Variants in GPC6 observed in about 807,000 individuals in gnomAD.
The protein encoded by GPC6 is glypican 6.
In GPC6, 14 loss-of-function variants were observed where a neutral mutation model predicts 55.2. The ratio of observed to expected loss-of-function variants is 0.25; its 90% CI spans 0.17 to 0.40. GPC6 has a LOEUF of 0.40. Ranked by LOEUF, GPC6 falls within the 10% of genes least tolerant of loss-of-function variation. The pLI is 1.00. For synonymous variants in GPC6, 278 were observed against 259.6 expected (o/e 1.07, Z -0.68); for missense variants, 641 against 708.5 (o/e 0.90, Z 1.08).
chr13:93,497,945 C>T (rs1880369404), intron 1 of GPC6, among the ~76,000 whole-genome samples: 1 of 152,212 alleles, frequency 6.6e-6, no homozygotes, highest in Non-Finnish European at 1.5e-5. Context: ...CCTATTGTCT[C>T]AGATGTGTTG....
chr13:94,165,300 G>A (rs1221063540), intron 4 of GPC6, among the ~76,000 whole-genome samples: 1 of 147,408 alleles, frequency 6.8e-6, no homozygotes, highest in African/African-American at 2.5e-5. Context: ...ATACATAATG[G>A]AATACTATTC....
chr13:93,732,851 TTAAAC>T (rs1192820125), intron 2 of GPC6, among the ~76,000 whole-genome samples: 1 of 152,176 alleles, frequency 6.6e-6, no homozygotes, highest in Non-Finnish European at 1.5e-5. Flanking sequence ...ATATTTTCGA[TTAAAC>T]TAATCTATAT....
At chr13:94,007,868 C>T (rs76773568) in intron 3 of GPC6, among the ~76,000 whole-genome samples, 8 of 151,904 alleles carry the variant, frequency 5.3e-5, no homozygotes, top group Admixed American at 1.3e-4. Context: ...GTGAATCTAA[C>T]GTACATTTTT....
intron 2 of GPC6, among the ~76,000 whole-genome samples, chr13:93,761,951 A>G (rs1422281550): frequency 6.6e-6 from 1 of 152,128 alleles, no homozygotes. Context: ...CCAATAGAAC[A>G]CCAGAAGTCA....
rs751915070 is a variant in GPC6 at position 93,282,575 on chromosome 13, TAAG to T, written c.160+54965_160+54967del. Among the ~76,000 whole-genome samples, 310 of 152,062 alleles carry T rather than the reference TAAG, an allele frequency of 2.0e-3. 1 individual carries two copies. The highest frequency in any genetic ancestry group is 3.4e-3 in the Middle Eastern group (1 of 290). On this transcript the variant is annotated intron_variant, in intron 1 of 8. Transcript: ENST00000377047. ...TTTCTCCACTTACTCTCCTTAAATA[TAAG>T]AAGAACAGAGCAAATAGGGAGATTA...
Position 94,075,595 on chromosome 13 carries a change from A to G in GPC6, c.877+47701A>G, listed in dbSNP as rs779266492. ...AAAACTGAAACTTTAAACCCATTGA[A>G]GAACAACTCCCCAATTTCTTCTTAC... On this transcript the variant is annotated intron_variant, in intron 4 of 8. Transcript: ENST00000377047. 8.0e-4 allele frequency among the ~76,000 whole-genome samples: 122 copies of G among 152,252 alleles called. 1 individual carries two copies. Among genetic ancestry groups the G allele is most frequent in the Middle Eastern group, 3.4e-3 (1 of 294 alleles).
chr13:93,594,650 T>A (rs554515867), intron 2 of GPC6, among the ~76,000 whole-genome samples: 1 of 152,132 alleles, frequency 6.6e-6, no homozygotes, highest in East Asian at 1.9e-4. Context: ...TATTTCAGGT[T>A]GCCATAACAA....
chr13:93,744,843 G>C (rs9524186), intron 2 of GPC6, among the ~76,000 whole-genome samples: 1 of 151,562 alleles, frequency 6.6e-6, no homozygotes, highest in Non-Finnish European at 1.5e-5. Context: ...TGAGGCAGGA[G>C]AATTGCCTGA....
chr13:93,393,164 A>G (rs997765314), intron 1 of GPC6, among the ~76,000 whole-genome samples: 1 of 144,986 alleles, frequency 6.9e-6, no homozygotes, highest in Non-Finnish European at 1.5e-5. Context: ...AGAGAGTGAG[A>G]GTCTCTCACT....
At chr13:94,048,399 A>G (rs974028501) in intron 4 of GPC6, among the ~76,000 whole-genome samples, 2 of 152,084 alleles carry the variant, frequency 1.3e-5, no homozygotes, top group Admixed American at 1.3e-4. Flanking sequence ...GGATAAATGA[A>G]GTTAGTGTTG....
At chr13:93,410,378 A>G (rs564899467) in intron 1 of GPC6, among the ~76,000 whole-genome samples, 2 of 152,324 alleles carry the variant, frequency 1.3e-5, no homozygotes, top group South Asian at 4.1e-4. Context: ...GGCCTTGAGT[A>G]TATATCAAGT....
At chr13:94,057,094 A>C (rs1302293680) in intron 4 of GPC6, among the ~76,000 whole-genome samples, 1 of 152,336 alleles carries the variant, frequency 6.6e-6, no homozygotes, top group African/African-American at 2.4e-5. Context: ...CTTTGCACTT[A>C]ACATATTCAG....
At chr13:94,058,584 A>G (rs1594702291) in intron 4 of GPC6, among the ~76,000 whole-genome samples, 1 of 152,128 alleles carries the variant, frequency 6.6e-6, no homozygotes, top group East Asian at 1.9e-4. Flanking sequence ...GACGAACTAC[A>G]TTTACTAGCA....
chr13:93,705,434 T>A (rs1293673864), intron 2 of GPC6, among the ~76,000 whole-genome samples: 2 of 151,968 alleles, frequency 1.3e-5, no homozygotes, highest in African/African-American at 4.8e-5. Flanking sequence ...TCTTTTTTGT[T>A]ATTGTAACTT....
chr13:94,083,688 A>G (rs1045799374), intron 4 of GPC6, among the ~76,000 whole-genome samples: 9 of 152,190 alleles, frequency 5.9e-5, no homozygotes, highest in African/African-American at 2.2e-4. Context: ...GTTCAAGCAC[A>G]TAAGTGTAGA....
chr13:93,936,951 C>T (rs939657135), intron 3 of GPC6, among the ~76,000 whole-genome samples: 12 of 152,132 alleles, frequency 7.9e-5, no homozygotes, highest in East Asian at 1.9e-4. Flanking sequence ...ACTAGGTGGA[C>T]GAAATGCCTC....
chr13:94,000,060 G>C (rs573888781), intron 3 of GPC6, among the ~76,000 whole-genome samples: 1 of 152,104 alleles, frequency 6.6e-6, no homozygotes, highest in Non-Finnish European at 1.5e-5. Context: ...ATGATTTTGC[G>C]TGGATATTTT....
intron 2 of GPC6, among the ~76,000 whole-genome samples, chr13:93,578,978 G>T (rs951856130): frequency 1.3e-5 from 2 of 151,956 alleles, no homozygotes; most frequent in Admixed American, 1.3e-4. Context: ...ATTATTTTAA[G>T]TGAATAAGTG....
intron 2 of GPC6, among the ~76,000 whole-genome samples, chr13:93,725,151 C>G (rs1370980865): frequency 1.3e-5 from 2 of 151,962 alleles, no homozygotes; most frequent in African/African-American, 2.4e-5. Flanking sequence ...AGAGTAGAAT[C>G]AAAATTTCAA....
Sources: allele counts gnomAD v4.1 joint callset (sites outside exome capture counted in the v4.1 genomes callset), GRCh38; gene constraint gnomAD v4.1.1; transcripts MANE v1.5; gene names NCBI Gene and HGNC (gene_info 2026-07-23, HGNC 2026-07-21).